FER1L5: variants seen among roughly 807,000 people sequenced by gnomAD.
FER1L5 encodes fer-1 like family member 5, also known as fer-1-like protein 5.
Under a neutral mutation model 279.9 loss-of-function variants are expected in FER1L5, and 187 were observed. The ratio of observed to expected loss-of-function variants is 0.67; its 90% CI spans 0.59 to 0.75. The LOEUF (loss-of-function observed/expected upper bound fraction) is 0.75. FER1L5 is among the 30% of genes least tolerant of loss of function. The probability of loss-of-function intolerance (pLI) is 0.00; values close to 1 mark genes in which losing one functional copy is unlikely to be tolerated. For synonymous variants in FER1L5, 921 were observed against 989.7 expected, an observed-to-expected ratio of 0.93 and a Z score of 1.30; for missense variants, 2,091 against 2,594.4, an observed-to-expected ratio of 0.81 and a Z score of 4.21.
intron 24 of FER1L5, among the ~76,000 whole-genome samples, chr2:96,688,722 G>A (rs558952946): frequency 4.6e-5 from 7 of 152,142 alleles, no homozygotes; most frequent in South Asian, 4.2e-4. Flanking sequence ...TTCAGGGTGC[G>A]GGGCAGGGAG....
At chr2:96,659,813 T>C (rs1202800537) in intron 9 of FER1L5, among the ~76,000 whole-genome samples, 1 of 151,912 alleles carries the variant, frequency 6.6e-6, no homozygotes, top group Non-Finnish European at 1.5e-5. Context: ...CTTTGATGGG[T>C]TGTGCTGTGT....
intron 45 of FER1L5, among the ~76,000 whole-genome samples, chr2:96,701,527 A>G (rs1164753074): frequency 6.6e-6 from 1 of 152,044 alleles, no homozygotes; most frequent in African/African-American, 2.4e-5. Flanking sequence ...GTTGTAGTTC[A>G]TAACATAAAA....
At chr2:96,655,501 C>T (rs2075562051) in intron 9 of FER1L5, among the ~76,000 whole-genome samples, 2 of 152,196 alleles carry the variant, frequency 1.3e-5, no homozygotes, top group South Asian at 4.1e-4. Context: ...TTTAAGTGGG[C>T]ATCTTCTGTT....
chr2:96,660,355 T>A lies in FER1L5; in HGVS notation c.762T>A (p.Phe254Leu), dbSNP rs2075909595. 6.4e-7 allele frequency: 1 copy of A among 1,551,596 alleles called. No homozygotes were observed. Among genetic ancestry groups the A allele is most frequent in the African/African-American group, 1.4e-5 (1 of 73,064 alleles). Residue 254 changes from phenylalanine (F) to leucine (L), a missense_variant, in exon 10 of 53, where the codon TTT (phenylalanine) becomes TTA (leucine). Transcript: ENST00000624922. ...TGTCTTTTCAGACAGATATTGGGTT[T>A]ATCTACCATTCTCCAGGTAGGTAAT... ...EIGRFQTDIGFIYHSPGHTLL... is the reference protein window; with the variant it reads ...EIGRFQTDIGLIYHSPGHTLL...
chr2:96,687,814 A>G lies in FER1L5; in HGVS notation c.2230-2A>G, dbSNP rs2076988170. The G allele has an allele frequency of 1.9e-6, 3 of 1,551,030 alleles. No individual in the cohort carries two copies. Among genetic ancestry groups the G allele is most frequent in the Non-Finnish European group, 1.7e-6 (2 of 1,146,966 alleles). On this transcript the variant is annotated splice_acceptor_variant, in intron 23 of 52. Transcript: ENST00000624922. LOFTEE classifies it high-confidence loss of function. ...TGTGGGACCGATCGGCCTCTGGCTC[A>G]GTACCCAGAGGGTGAAGGACAGAAG...
rs542910079 is a variant in FER1L5 at position 96,703,116 on chromosome 2, G to A, written c.5498-37G>A. ...ACAGGGCTTGTGACCACAGGACAGG[G>A]AGCTCCTTCTTGCTGATGTCATTTT... On this transcript the variant is annotated intron_variant, in intron 49 of 52. Coordinates refer to ENST00000624922, the MANE Select transcript of FER1L5 (RefSeq NM_001293083.2). 6.9e-5 allele frequency: 111 copies of A among 1,613,440 alleles called. 1 individual carries two copies. The South Asian group carries it at 1.1e-3, about 16-fold the overall frequency.
In FER1L5 at chr2:96,703,534, G is replaced by A; in HGVS notation, c.5703G>A (p.Lys1901=). The A allele has an allele frequency of 6.2e-7, 1 of 1,614,000 alleles. No homozygotes were observed. The highest frequency in any genetic ancestry group is 8.5e-7 in the Non-Finnish European group (1 of 1,179,896). The change falls in exon 51 of 53, where the codon AAG becomes AAA. Residue 1901 remains lysine, a synonymous_variant. Coordinates refer to ENST00000624922, the MANE Select transcript of FER1L5 (RefSeq NM_001293083.2). ...CATGGTGTTCCTAGGGCAAGGTGAA[G>A]ATGAGCCTGGAGATTCTGTCAGAGA... ...GGKWRLSGKV[K]MSLEILSEKE...
At chr2:96,677,559 C>T (rs891270540) in intron 19 of FER1L5, among the ~76,000 whole-genome samples, 1 of 152,226 alleles carries the variant, frequency 6.6e-6, no homozygotes, top group East Asian at 1.9e-4. Flanking sequence ...ATTGTTCCCA[C>T]CTCTTAGCTA....
chr2:96,700,717 C>T (rs377364741), intron 45 of FER1L5, among the ~76,000 whole-genome samples: 1 of 152,200 alleles, frequency 6.6e-6, no homozygotes, highest in East Asian at 1.9e-4. Context: ...CATGCGCCAG[C>T]TGTGGGAGGC....
chr2:96,692,123 C>G lies in FER1L5; in HGVS notation c.3234C>G (p.Leu1078=). The G allele has an allele frequency of 6.4e-7, 1 of 1,551,588 alleles. No individual in the cohort carries two copies. Among genetic ancestry groups the G allele is most frequent in the Non-Finnish European group, 8.7e-7 (1 of 1,146,942 alleles). ...CCCCAGAGCCCCACTACTACCAGCTCTTCTGCTACATCTACCAGGCCCGGA... is the reference window on the plus strand; with the variant it reads ...CCCCAGAGCCCCACTACTACCAGCTGTTCTGCTACATCTACCAGGCCCGGA... ...CTFNKPHYYQ[L]FCYIYQARNL... The change falls in exon 31 of 53, where the codon CTC becomes CTG. Residue 1078 remains leucine, a synonymous_variant. Coordinates refer to ENST00000624922, the MANE Select transcript of FER1L5 (RefSeq NM_001293083.2).
intron 14 of FER1L5, among the ~76,000 whole-genome samples, chr2:96,667,380 T>A (rs1245924864): frequency 2.7e-5 from 4 of 150,856 alleles, no homozygotes; most frequent in African/African-American, 9.7e-5. Flanking sequence ...GGAGTTTCGC[T>A]CTTGTTGCCT....
intron 8 of FER1L5, 57 bp from the exon 9 acceptor site, chr2:96,654,389 G>A (rs2075508725): frequency 1.0e-5 from 4 of 398,566 alleles, no homozygotes; most frequent in Non-Finnish European, 1.8e-5. Flanking sequence ...CTCTTACAGG[G>A]GCTGAGGGAA....
intron 17 of FER1L5, 25 bp downstream of exon 17, chr2:96,669,162 G>T: frequency 1.3e-6 from 2 of 1,545,508 alleles, no homozygotes; most frequent in Non-Finnish European, 1.7e-6. Context: ...TCAGCTCTAG[G>T]GTACAGTGGA....
intron 9 of FER1L5, among the ~76,000 whole-genome samples, chr2:96,656,636 A>T (rs1380334664): frequency 6.6e-6 from 1 of 152,240 alleles, no homozygotes; most frequent in Non-Finnish European, 1.5e-5. Flanking sequence ...TCTCAAAAAA[A>T]CAAAAACAAA....
chr2:96,663,499 C>T lies in FER1L5; in HGVS notation c.1132C>T (p.Arg378Trp), dbSNP rs1479480306. The change falls in exon 14 of 53, where the codon CGG becomes TGG. Residue 378 changes from arginine to tryptophan, a missense_variant. Physicochemically the swap from Arg to Trp is moderately radical, Grantham distance 101. Transcript: ENST00000624922. ...GATATGGAACCAGATCCTGACCTTCCGGATTCAGGTATGGCTCCTCCATCA... is the reference window on the plus strand; with the variant it reads ...GATATGGAACCAGATCCTGACCTTCTGGATTCAGGTATGGCTCCTCCATCA... ...NPIWNQILTFRIQLPCLSSYI... is the reference protein window; with the variant it reads ...NPIWNQILTFWIQLPCLSSYI... 21 of 1,551,410 alleles carry T rather than the reference C, an allele frequency of 1.4e-5. No individual in the cohort carries two copies. Among genetic ancestry groups the T allele is most frequent in the African/African-American group, 2.7e-5 (2 of 73,004 alleles).
Position 96,659,353 on chromosome 2 carries a change from C to CTTT in FER1L5, c.748-988_748-987insTTT, listed in dbSNP as rs1558853480. 4.4e-4 allele frequency among the ~76,000 whole-genome samples: 31 copies of CTTT among 71,062 alleles called. 1 individual carries two copies. In the East Asian group the frequency reaches 4.9e-3, roughly 11 times the overall value. 46.6% of individuals were successfully genotyped at this position (71,062 alleles called of 152,430 possible). ...TCCTTCCTTCCTTCCTTCCTTCCTT[C>CTTT]CTTCCTTCCTTCTTTCTTTCTTTCT... On this transcript the variant is annotated intron_variant, in intron 9 of 52. Transcript: ENST00000624922.
In FER1L5 at chr2:96,689,886, G is replaced by A; in HGVS notation, c.2640+128G>A. The A allele has an allele frequency of 1.4e-6, 1 of 691,848 alleles. No individual in the cohort carries two copies. The allele number at this position is 691,848 out of a possible 1,614,324, so 42.9% of individuals were successfully genotyped here. Reference sequence around the variant, plus strand: ...CCCTGCACTATGTGTGGGGCCCCGGGTGAGCGCACCAGCCCTCAGGCACTC... The same window carrying A: ...CCCTGCACTATGTGTGGGGCCCCGGATGAGCGCACCAGCCCTCAGGCACTC... On this transcript the variant is annotated intron_variant, in intron 26 of 52. Coordinates refer to ENST00000624922, the MANE Select transcript of FER1L5 (RefSeq NM_001293083.2). The surrounding 1 kb of genome is among the most constrained non-coding windows in gnomAD (Gnocchi z 4.6).
intron 1 of FER1L5, among the ~76,000 whole-genome samples, chr2:96,643,372 C>T (rs2074966554): frequency 6.6e-6 from 1 of 151,958 alleles, no homozygotes; most frequent in South Asian, 2.1e-4. Context: ...TTTTTTGAGA[C>T]AGACTGTCAC....
chr2:96,681,984 C>A (rs1452505476), intron 19 of FER1L5, among the ~76,000 whole-genome samples: 1 of 151,952 alleles, frequency 6.6e-6, no homozygotes, highest in Non-Finnish European at 1.5e-5. Context: ...CGGGGTTTCA[C>A]CATGTTGCTC....
Sources: allele counts gnomAD v4.1 joint callset (sites outside exome capture counted in the v4.1 genomes callset), GRCh38; gene constraint gnomAD v4.1.1; non-coding constraint Gnocchi (gnomAD v3.1); transcripts MANE v1.5; gene names NCBI Gene and HGNC (gene_info 2026-07-23, HGNC 2026-07-21).